The following ERBB4 variants were observed in gnomAD, a reference collection of about 807,000 sequenced individuals.
ERBB4 encodes the protein receptor tyrosine-protein kinase erbB-4.
In ERBB4, 42 loss-of-function variants were observed where a neutral mutation model predicts 158.0. The ratio of observed to expected loss-of-function variants is 0.27; its 90% CI spans 0.21 to 0.34. ERBB4 has a LOEUF of 0.34. ERBB4 is among the 10% of genes least tolerant of loss of function. The pLI is 1.00. For synonymous variants in ERBB4, 583 were observed against 558.7 expected (o/e 1.04, Z -0.61); for missense variants, 1,333 against 1,624.1 (o/e 0.82, Z 3.08).
chr2:212,481,547 T>C (rs757090293), intron 1 of ERBB4, among the ~76,000 whole-genome samples: 5 of 152,206 alleles, frequency 3.3e-5, no homozygotes, highest in Non-Finnish European at 7.4e-5. Context: ...ATTTCTCTAA[T>C]ACCAAGTATG....
At chr2:212,385,499 C>T (rs181073528) in intron 1 of ERBB4, among the ~76,000 whole-genome samples, 5 of 151,924 alleles carry the variant, frequency 3.3e-5, no homozygotes, top group African/African-American at 1.2e-4. Flanking sequence ...TCACCTTTAT[C>T]TGTACAAATT....
chr2:212,302,683 T>G (rs1202392130), intron 1 of ERBB4, among the ~76,000 whole-genome samples: 1 of 151,484 alleles, frequency 6.6e-6, no homozygotes, highest in African/African-American at 2.4e-5. Flanking sequence ...CTTGTGAACC[T>G]CCAAAAGGAT....
In ERBB4 at chr2:211,504,251, T is replaced by C. The variant is rs111666179; in HGVS notation, c.2487+57652A>G. On this transcript the variant is annotated intron_variant, in intron 20 of 27. Transcript: ENST00000342788. Reference sequence around the variant, plus strand: ...ATCACCACATCTCCATCCTCTGTACTAGACAGTGAGCCAGATAATATGCAC... The same window carrying C: ...ATCACCACATCTCCATCCTCTGTACCAGACAGTGAGCCAGATAATATGCAC... Among the ~76,000 whole-genome samples the C allele has an allele frequency of 7.9e-3, 1,199 of 152,222 alleles. 21 individuals are homozygous for C. Among genetic ancestry groups the C allele is most frequent in the African/African-American group, 0.027 (1,139 of 41,550 alleles).
At chr2:212,083,595 C>A (rs2078510338) in intron 2 of ERBB4, among the ~76,000 whole-genome samples, 1 of 151,656 alleles carries the variant, frequency 6.6e-6, no homozygotes, top group Non-Finnish European at 1.5e-5. Context: ...CACTAAAAGG[C>A]AAGTGTATGT....
chr2:211,629,197 G>T (rs551964158), intron 17 of ERBB4, among the ~76,000 whole-genome samples: 6 of 152,224 alleles, frequency 3.9e-5, no homozygotes, highest in African/African-American at 1.4e-4. Flanking sequence ...CTTCAGCAAA[G>T]TCTCAGGATA....
chr2:212,258,335 CT>C lies in ERBB4; in HGVS notation c.83-133433del, dbSNP rs533463580. Among the ~76,000 whole-genome samples, 168 of 151,760 alleles carry C rather than the reference CT, an allele frequency of 1.1e-3. 1 individual carries two copies. Among genetic ancestry groups the C allele is most frequent in the African/African-American group, 3.7e-3 (154 of 41,502 alleles). The stretch of plus-strand genomic sequence containing the variant: ...GAAAATAATCTGAATCTATAATGAT[CT>C]TTTAAAAATTCAAACTTGGTTTACC... On this transcript the variant is annotated intron_variant, in intron 1 of 27. Transcript: ENST00000342788.
intron 3 of ERBB4, among the ~76,000 whole-genome samples, chr2:211,908,150 C>G (rs2079447632): frequency 6.6e-6 from 1 of 151,742 alleles, no homozygotes; most frequent in Non-Finnish European, 1.5e-5. Context: ...GAAGCCAGGA[C>G]CTAAGCTCTG....
chr2:212,312,206 G>A (rs920115026), intron 1 of ERBB4, among the ~76,000 whole-genome samples: 1 of 150,878 alleles, frequency 6.6e-6, no homozygotes, highest in Non-Finnish European at 1.5e-5. Flanking sequence ...GGATGGCCCC[G>A]GTCAGAAAAA....
intron 1 of ERBB4, among the ~76,000 whole-genome samples, chr2:212,270,040 G>A (rs2085288290): frequency 6.6e-6 from 1 of 151,708 alleles, no homozygotes; most frequent in South Asian, 2.1e-4. Context: ...AAGTGACTAA[G>A]GAGTTTTGTC....
intron 1 of ERBB4, among the ~76,000 whole-genome samples, chr2:212,441,192 GAA>G (rs1270424459): frequency 1.3e-5 from 2 of 149,446 alleles, no homozygotes; most frequent in African/African-American, 4.8e-5. Flanking sequence ...AAACTCTGAT[GAA>G]CCTTTTTTGT....
intron 1 of ERBB4, among the ~76,000 whole-genome samples, chr2:212,164,267 T>C (rs1483850031): frequency 6.7e-6 from 1 of 150,190 alleles, no homozygotes; most frequent in African/African-American, 2.5e-5. Flanking sequence ...GATATACATA[T>C]ATCAGATTTC....
intron 2 of ERBB4, among the ~76,000 whole-genome samples, chr2:211,991,145 C>A (rs1215393181): frequency 6.6e-6 from 1 of 151,956 alleles, no homozygotes; most frequent in Non-Finnish European, 1.5e-5. Context: ...TATATTCAAC[C>A]AATATCTATT....
intron 25 of ERBB4, among the ~76,000 whole-genome samples, chr2:211,415,750 G>GACTT (rs1228492847): frequency 6.6e-6 from 1 of 152,134 alleles, no homozygotes; most frequent in Non-Finnish European, 1.5e-5. Context: ...TACATTCAAT[G>GACTT]ACTTAGAAAT....
chr2:211,536,337 C>T (rs2066651813), intron 20 of ERBB4, among the ~76,000 whole-genome samples: 1 of 151,162 alleles, frequency 6.6e-6, no homozygotes, highest in Admixed American at 6.6e-5. Context: ...TTTGTCAGAA[C>T]AAATAAATAG....
In ERBB4 at chr2:212,446,582, T is replaced by A; in HGVS notation, c.82+91867A>T. On this transcript the variant is annotated intron_variant, in intron 1 of 27. Coordinates refer to ENST00000342788, the MANE Select transcript of ERBB4 (RefSeq NM_005235.3). ...AGTTAATACTTAATAAACTCCCATATATATATATGTATATATATATATATA... is the reference window on the plus strand; with the variant it reads ...AGTTAATACTTAATAAACTCCCATAAATATATATGTATATATATATATATA... Among the ~76,000 whole-genome samples the A allele has an allele frequency of 2.2e-4, 4 of 17,848 alleles. 1 individual carries two copies. In the African/African-American group the frequency reaches 3.4e-3, roughly 15 times the overall value. 11.7% of individuals were successfully genotyped at this position (17,848 alleles called of 152,430 possible).
chr2:211,493,150 T>C (rs2065386458), intron 20 of ERBB4, among the ~76,000 whole-genome samples: 1 of 152,142 alleles, frequency 6.6e-6, no homozygotes, highest in Non-Finnish European at 1.5e-5. Flanking sequence ...CCATTGTAGT[T>C]GCTTCGAACC....
chr2:211,767,812 C>T (rs755641651), intron 4 of ERBB4, among the ~76,000 whole-genome samples: 30 of 152,122 alleles, frequency 2.0e-4, no homozygotes, highest in Non-Finnish European at 3.4e-4. Flanking sequence ...CAATTCAAGA[C>T]GAGATTTGGG....
chr2:211,774,796 G>C (rs1033575017), intron 4 of ERBB4, among the ~76,000 whole-genome samples: 1 of 152,120 alleles, frequency 6.6e-6, no homozygotes, highest in African/African-American at 2.4e-5. Context: ...TTATTATATC[G>C]TTTATTAATA....
Position 211,764,662 on chromosome 2 carries a change from C to T in ERBB4, c.557-13958G>A, listed in dbSNP as rs143782475. ...GTCTGGAGCCTAAAAATACTATCTC[C>T]GGAGCCCATACTCTTAACCAATACA... is the stretch of plus-strand genomic sequence containing the variant. On this transcript the variant is annotated intron_variant, in intron 4 of 27. Transcript: ENST00000342788. Among the ~76,000 whole-genome samples, 696 of 152,222 alleles carry T rather than the reference C, an allele frequency of 4.6e-3. 1 individual carries two copies. The highest frequency in any genetic ancestry group is 0.016 in the African/African-American group (660 of 41,516).
Sources: allele counts gnomAD v4.1 joint callset (sites outside exome capture counted in the v4.1 genomes callset), GRCh38; gene constraint gnomAD v4.1.1; transcripts MANE v1.5; gene names NCBI Gene and HGNC (gene_info 2026-07-23, HGNC 2026-07-21).